The following CPM variants were observed in gnomAD, a reference collection of about 807,000 sequenced individuals.
The protein encoded by CPM is renal carboxypeptidase.
A neutral mutation model predicts 46.4 loss-of-function variants in CPM; 35 were observed. The ratio of observed to expected loss-of-function variants is 0.75; its 90% CI spans 0.58 to 1.00. The LOEUF is 1.00. CPM is among the 50% of genes least tolerant of loss of function. CPM has a pLI of 0.00. For synonymous variants in CPM, 195 were observed against 195.3 expected, an observed-to-expected ratio of 1.00 and a Z score of 0.01; for missense variants, 422 against 530.4, an observed-to-expected ratio of 0.80 and a Z score of 2.01.
chr12:68,870,584 C>T (rs1290613143), intron 4 of CPM, among the ~76,000 whole-genome samples, 185 bp from the exon 5 acceptor site: 3 of 152,212 alleles, frequency 2.0e-5, no homozygotes, highest in African/African-American at 7.2e-5. Flanking sequence ...CATCCCCTGC[C>T]TCGTGATCTG....
intron 2 of CPM, among the ~76,000 whole-genome samples, chr12:68,902,057 C>T (rs564647520): frequency 2.6e-5 from 4 of 152,222 alleles, no homozygotes; most frequent in East Asian, 3.9e-4. Flanking sequence ...TATCCTTTAA[C>T]GAAATCATAA....
At chr12:68,894,391 T>C (rs1886782246) in intron 2 of CPM, among the ~76,000 whole-genome samples, 1 of 152,176 alleles carries the variant, frequency 6.6e-6, no homozygotes, top group South Asian at 2.1e-4. Flanking sequence ...TTGATAAATA[T>C]TGGCACATAA....
chr12:68,953,372 G>T (rs1038683206), intron 1 of CPM, among the ~76,000 whole-genome samples: 13 of 151,882 alleles, frequency 8.6e-5, no homozygotes, highest in African/African-American at 3.1e-4. Flanking sequence ...CTCTTCTGTT[G>T]GAATTCTATC....
intron 7 of CPM, among the ~76,000 whole-genome samples, chr12:68,861,620 C>T (rs1885218708): frequency 6.6e-6 from 1 of 151,636 alleles, no homozygotes; most frequent in Non-Finnish European, 1.5e-5. Flanking sequence ...ACCTCTGCCT[C>T]CCGGGTTCAA....
chr12:68,868,896 C>G lies in CPM; in HGVS notation c.787+429G>C, dbSNP rs560168980. Among the ~76,000 whole-genome samples the G allele has an allele frequency of 3.9e-5, 6 of 152,310 alleles. No homozygotes were observed. The South Asian group carries it at 1.2e-3, about 32-fold the overall frequency. ...TAGATGGGATGTAAGCATCACATTTCTCCAAGCTCTTCACTACTCCCTATT... is the reference window on the plus strand; with the variant it reads ...TAGATGGGATGTAAGCATCACATTTGTCCAAGCTCTTCACTACTCCCTATT... On this transcript the variant is annotated intron_variant, in intron 6 of 8. Transcript: ENST00000551568.
chr12:68,880,807 T>G (rs1663581), intron 3 of CPM, among the ~76,000 whole-genome samples: 7,813 of 152,256 alleles, frequency 0.051, 446 homozygotes, highest in African/African-American at 0.14. Context: ...AAATGTTAGC[T>G]ATTGTTATTA....
chr12:68,846,148 T>A (rs539292109), intron 5 of CPM: 17 of 152,220 alleles, frequency 1.1e-4, no homozygotes, highest in African/African-American at 4.1e-4. Context: ...AGAGATGGGG[T>A]TTCAGCATGT....
At chr12:68,933,736 G>A (rs1447096640), upstream of CPM, among the ~76,000 whole-genome samples, 1 of 152,222 alleles carries the variant, frequency 6.6e-6, no homozygotes, top group East Asian at 1.9e-4. Flanking sequence ...ACGGGGCTTC[G>A]AGAAAGAACG....
Position 68,870,390 on chromosome 12 carries a change from A to G in CPM, c.441T>C (p.Tyr147=). ...AATTTCGATTCAAGTCATACTGGTT[A>G]TAATTTTCCCTTTAAAAGAAAGAAT... ...DCYYSIGREN[Y]NQYDLNRNFP... The change falls in exon 5 of 9, where the codon TAT becomes TAC. Residue 147 remains tyrosine (Y), a synonymous_variant. Coordinates refer to ENST00000551568, the MANE Select transcript of CPM (RefSeq NM_198320.5). 1 of 1,613,664 alleles carries G rather than the reference A, an allele frequency of 6.2e-7. No homozygotes were observed.
At chr12:68,958,128 T>C (rs941392726) in intron 1 of CPM, among the ~76,000 whole-genome samples, 1 of 152,216 alleles carries the variant, frequency 6.6e-6, no homozygotes. Context: ...TCTTTGCTAT[T>C]GTGAATAGTG....
At chr12:68,906,136 C>G (rs1288825931) in intron 2 of CPM, among the ~76,000 whole-genome samples, 2 of 152,188 alleles carry the variant, frequency 1.3e-5, no homozygotes, top group Non-Finnish European at 2.9e-5. Flanking sequence ...CATTCTTTTG[C>G]TCTACTTATA....
intron 2 of CPM, among the ~76,000 whole-genome samples, chr12:68,920,454 T>C (rs1025695421): frequency 6.6e-6 from 1 of 152,062 alleles, no homozygotes; most frequent in Non-Finnish European, 1.5e-5. Flanking sequence ...TCACCAACAA[T>C]GGACAAGGGA....
chr12:68,914,599 T>C (rs1481524501), intron 2 of CPM, among the ~76,000 whole-genome samples: 1 of 152,248 alleles, frequency 6.6e-6, no homozygotes, highest in Non-Finnish European at 1.5e-5. Flanking sequence ...TAGATGTCTG[T>C]TCCTTCATAC....
chr12:68,905,330 T>C (rs1175042835), intron 2 of CPM, among the ~76,000 whole-genome samples: 1 of 151,202 alleles, frequency 6.6e-6, no homozygotes, highest in Non-Finnish European at 1.5e-5. Flanking sequence ...ACCCAGACTA[T>C]AGTGCAGTGG....
intron 1 of CPM, among the ~76,000 whole-genome samples, chr12:68,944,120 A>G (rs928645420): frequency 6.6e-6 from 1 of 152,238 alleles, no homozygotes; most frequent in South Asian, 2.1e-4. Context: ...AAGTCAAATT[A>G]TAAATATACT....
chr12:68,865,767 C>G (rs1326132651), intron 7 of CPM, among the ~76,000 whole-genome samples: 1 of 152,200 alleles, frequency 6.6e-6, no homozygotes, highest in South Asian at 2.1e-4. Context: ...GCCTTCCACA[C>G]CTTGCCCAAA....
Position 68,851,879 on chromosome 12 carries a change from A to G in CPM, c.*4558T>C, listed in dbSNP as rs1884706924. On this transcript the variant is annotated 3_prime_UTR_variant, in exon 9 of 9. Transcript: ENST00000551568. ...CCCCCTTCCCCCTTCTAAAGTCATG[A>G]GGAAAATATAAAGGATCTATCATAA... 1 of 152,198 alleles carries G rather than the reference A, an allele frequency of 6.6e-6. No individual in the cohort carries two copies. Among genetic ancestry groups the G allele is most frequent in the Non-Finnish European group, 1.5e-5 (1 of 68,044 alleles). The allele number at this position is 152,198 out of a possible 1,614,324, so 9.4% of individuals were successfully genotyped here.
intron 2 of CPM, among the ~76,000 whole-genome samples, chr12:68,922,498 G>A (rs1454565098): frequency 6.6e-6 from 1 of 152,188 alleles, no homozygotes; most frequent in Non-Finnish European, 1.5e-5. Context: ...GACTGGGGTA[G>A]TAGGCACTAT....
chr12:68,843,753 T>C (rs1369971861), intron 5 of CPM: 1 of 223,642 alleles, frequency 4.5e-6, no homozygotes, highest in Non-Finnish European at 8.9e-6. Context: ...ATTAGTAGTT[T>C]ACCTGTGGAG....
Sources: allele counts gnomAD v4.1 joint callset (sites outside exome capture counted in the v4.1 genomes callset), GRCh38; gene constraint gnomAD v4.1.1; transcripts MANE v1.5; gene names NCBI Gene and HGNC (gene_info 2026-07-23, HGNC 2026-07-21).